PRKCH: variants seen among roughly 807,000 people sequenced by gnomAD.
PRKCH encodes the protein protein kinase C eta type.
A neutral mutation model predicts 82.5 loss-of-function variants in PRKCH; 28 were observed. The observed-to-expected ratio is 0.34, with a 90% CI of 0.25 to 0.47. PRKCH has a LOEUF of 0.47. PRKCH is among the 20% of genes least tolerant of loss of function. PRKCH has a pLI of 1.00. For synonymous variants in PRKCH, 322 were observed against 327.4 expected (o/e 0.98, Z 0.18); for missense variants, 705 against 881.8 (o/e 0.80, Z 2.54).
At position 61,322,190 on chromosome 14, in the gene PRKCH, G is replaced by A. The variant is rs1449901545; in HGVS notation, c.89G>A (p.Arg30His). The change falls in exon 1 of 14, where the codon CGC becomes CAC. Residue 30 changes from arginine (R) to histidine (H), a missense_variant. Coordinates refer to ENST00000332981, the MANE Select transcript of PRKCH (RefSeq NM_006255.5). ...VGLQPTRWSLRHSLFKKGHQL... is the reference protein window; with the variant it reads ...VGLQPTRWSLHHSLFKKGHQL... Reference sequence around the variant, plus strand: ...CTGCAGCCCACCCGCTGGTCCCTGCGCCACTCGCTCTTCAAGAAGGGCCAC... The same window carrying A: ...CTGCAGCCCACCCGCTGGTCCCTGCACCACTCGCTCTTCAAGAAGGGCCAC... The A allele has an allele frequency of 1.2e-6, 2 of 1,612,354 alleles. No homozygotes were observed. Among genetic ancestry groups the A allele is most frequent in the Non-Finnish European group, 1.7e-6 (2 of 1,179,406 alleles).
intron 9 of PRKCH, among the ~76,000 whole-genome samples, chr14:61,461,545 T>C (rs1443197894): frequency 1.3e-5 from 2 of 152,172 alleles, no homozygotes; most frequent in African/African-American, 4.8e-5. Context: ...CTTCACCAGG[T>C]GGTAACCTTT....
chr14:61,379,158 C>T (rs1412421095), intron 1 of PRKCH, among the ~76,000 whole-genome samples: 2 of 152,158 alleles, frequency 1.3e-5, no homozygotes, highest in African/African-American at 4.8e-5. Flanking sequence ...CATCTGTAAC[C>T]CCTATACATC....
intron 1 of PRKCH, among the ~76,000 whole-genome samples, chr14:61,355,243 T>C (rs1052216623): frequency 6.6e-6 from 1 of 152,224 alleles, no homozygotes; most frequent in Non-Finnish European, 1.5e-5. Context: ...TGCTTTTCTA[T>C]GCAAATCCTA....
Position 61,421,106 on chromosome 14 carries a change from C to T in PRKCH, c.428-22005C>T, listed in dbSNP as rs144020716. On this transcript the variant is annotated intron_variant, in intron 2 of 13. Coordinates refer to ENST00000332981, the MANE Select transcript of PRKCH (RefSeq NM_006255.5). ...TTATAGTAGCCATTATCTAGTAGTG[C>T]CTTTATCAGTGACCCCAGGTGTATA... Among the ~76,000 whole-genome samples the T allele has an allele frequency of 2.9e-3, 445 of 151,164 alleles. 3 individuals are homozygous for T. The highest frequency in any genetic ancestry group is 2.8e-3 in the Non-Finnish European group (188 of 67,842).
intron 1 of PRKCH, among the ~76,000 whole-genome samples, chr14:61,296,776 A>T (rs1003173271): frequency 1.3e-5 from 2 of 152,216 alleles, no homozygotes; most frequent in Non-Finnish European, 2.9e-5. Context: ...TTTCTGTGGG[A>T]ATAGTGTATA....
chr14:61,516,201 C>A lies in PRKCH; in HGVS notation c.1434-12874C>A, dbSNP rs375443803. ...AGATTGAGGGAGGCAACTGTAAAAG[C>A]ATGGTTGGGAAGTTGTCCTTGGCTC... is the stretch of plus-strand genomic sequence containing the variant. On this transcript the variant is annotated intron_variant, in intron 10 of 13. Coordinates refer to ENST00000332981, the MANE Select transcript of PRKCH (RefSeq NM_006255.5). Among the ~76,000 whole-genome samples the A allele has an allele frequency of 3.3e-5, 5 of 152,208 alleles. 1 individual carries two copies. Among genetic ancestry groups the A allele is most frequent in the Admixed American group, 6.5e-5 (1 of 15,302 alleles).
At chr14:61,204,217 C>T (rs775065472) in intron 1 of PRKCH, among the ~76,000 whole-genome samples, 5 of 152,086 alleles carry the variant, frequency 3.3e-5, no homozygotes, top group Non-Finnish European at 7.4e-5. Flanking sequence ...AAACTAATAA[C>T]TTACTTGTAT....
chr14:61,548,152 A>G (rs1594804938), intron 13 of PRKCH, among the ~76,000 whole-genome samples: 1 of 152,242 alleles, frequency 6.6e-6, no homozygotes, highest in African/African-American at 2.4e-5. Flanking sequence ...AAAATCTTGT[A>G]GGGTATAAGA....
intron 10 of PRKCH, among the ~76,000 whole-genome samples, chr14:61,521,680 G>A (rs957120951): frequency 1.3e-5 from 2 of 151,742 alleles, no homozygotes; most frequent in Admixed American, 6.6e-5. Flanking sequence ...TGATCTTCCC[G>A]CTTCGGCCTC....
At chr14:61,252,226 C>T (rs964711158) in intron 1 of PRKCH, among the ~76,000 whole-genome samples, 1 of 152,182 alleles carries the variant, frequency 6.6e-6, no homozygotes, top group Non-Finnish European at 1.5e-5. Context: ...GCCTGCCTCC[C>T]TTGGTGTCAT....
rs1178492413 is a variant in PRKCH at position 61,444,458 on chromosome 14, C to A, written c.578+1197C>A. The stretch of plus-strand genomic sequence containing the variant: ...TGTTTCTTTTACATGACCTGCCAGG[C>A]CCCTGTAGGCATTAGTGGTGATGGC... On this transcript the variant is annotated intron_variant, in intron 3 of 13. Coordinates refer to ENST00000332981, the MANE Select transcript of PRKCH (RefSeq NM_006255.5). Among the ~76,000 whole-genome samples the A allele has an allele frequency of 3.4e-5, 5 of 145,150 alleles. 1 individual carries two copies. The East Asian group carries it at 1.0e-3, about 29-fold the overall frequency.
chr14:61,405,535 G>A (rs745433686), intron 2 of PRKCH, among the ~76,000 whole-genome samples: 3 of 152,114 alleles, frequency 2.0e-5, no homozygotes, highest in Non-Finnish European at 2.9e-5. Flanking sequence ...GCAGCACCAC[G>A]CCCAGCTAAT....
intron 1 of PRKCH, among the ~76,000 whole-genome samples, chr14:61,238,755 C>T (rs1216568560): frequency 1.3e-5 from 2 of 152,172 alleles, no homozygotes; most frequent in Non-Finnish European, 2.9e-5. Context: ...TCTGTCTTTT[C>T]CCCATTCTCT....
intron 1 of PRKCH, among the ~76,000 whole-genome samples, chr14:61,350,989 G>A (rs2046066738): frequency 6.6e-6 from 1 of 152,090 alleles, no homozygotes; most frequent in Admixed American, 6.5e-5. Context: ...CCTCTTTATG[G>A]CATCCTTTTG....
chr14:61,204,890 AG>A (rs1382572175), intron 1 of PRKCH, among the ~76,000 whole-genome samples: 5 of 152,196 alleles, frequency 3.3e-5, no homozygotes, highest in Non-Finnish European at 7.3e-5. Flanking sequence ...AAACTGAGTA[AG>A]CTCTTCCATA....
At chr14:61,310,740 C>T (rs1182884341) in intron 1 of PRKCH, among the ~76,000 whole-genome samples, 1 of 152,250 alleles carries the variant, frequency 6.6e-6, no homozygotes, top group South Asian at 2.1e-4. Flanking sequence ...TCCAACCCCA[C>T]ATTTGCCTTT....
At chr14:61,428,076 T>TAGATAGATAGATACACACAC (rs377250538) in intron 2 of PRKCH, among the ~76,000 whole-genome samples, 2 of 126,262 alleles carry the variant, frequency 1.6e-5, no homozygotes, top group Middle Eastern at 3.8e-3. Context: ...GATAGATAGA[T>TAGATAGATAGATACACACAC]ACACACACAC....
intron 2 of PRKCH, among the ~76,000 whole-genome samples, chr14:61,427,106 T>C (rs970795918): frequency 1.3e-5 from 2 of 152,008 alleles, no homozygotes; most frequent in Non-Finnish European, 2.9e-5. Context: ...TCAGTACATG[T>C]GAGGTATACA....
chr14:61,388,358 C>T (rs986681646), intron 1 of PRKCH, among the ~76,000 whole-genome samples: 25 of 152,128 alleles, frequency 1.6e-4, no homozygotes, highest in African/African-American at 5.6e-4. Context: ...GTCAAAAATG[C>T]GGAAGGAAAC....
Sources: allele counts gnomAD v4.1 joint callset (sites outside exome capture counted in the v4.1 genomes callset), GRCh38; gene constraint gnomAD v4.1.1; transcripts MANE v1.5; gene names NCBI Gene and HGNC (gene_info 2026-07-23, HGNC 2026-07-21).